The following ERC2 variants were observed in gnomAD, a reference collection of about 807,000 sequenced individuals.
The protein encoded by ERC2 is ERC protein 2.
In ERC2, 42 loss-of-function variants were observed where a neutral mutation model predicts 114.8. The observed-to-expected ratio is 0.37, with a 90% CI of 0.29 to 0.47. The LOEUF is 0.47. ERC2 is among the 20% of genes least tolerant of loss of function. The probability of loss-of-function intolerance (pLI) is 0.99; values close to 1 mark genes in which losing one functional copy is unlikely to be tolerated. For synonymous variants in ERC2, 454 were observed against 425.5 expected, an observed-to-expected ratio of 1.07 and a Z score of -0.82; for missense variants, 939 against 1,150.7, an observed-to-expected ratio of 0.82 and a Z score of 2.66.
Position 56,434,395 on chromosome 3 carries a change from A to T in ERC2, c.613T>A (p.Ser205Thr), listed in dbSNP as rs2061927695. 6.2e-7 allele frequency: 1 copy of T among 1,613,926 alleles called. No homozygotes were observed. Among genetic ancestry groups the T allele is most frequent in the Non-Finnish European group, 8.5e-7 (1 of 1,179,890 alleles). ...ACCCTCATCTGCTCCTTGAGGACAG[A>T]CATCCGCGCTGCCTCTTCTTTCCTC... ...VLRKEEAARMSVLKEQMRVSH... is the reference protein window; with the variant it reads ...VLRKEEAARMTVLKEQMRVSH... Residue 205 changes from serine to threonine, a missense_variant, in exon 2 of 18, where the codon TCT (serine) becomes ACT (threonine). Physicochemically the swap from Ser to Thr is moderately conservative, Grantham distance 58. Around this residue, in one of 5 missense-constraint regions of ERC2, gnomAD observed 281 missense variants for 307.4 expected, o/e 0.91. Coordinates refer to ENST00000288221, the MANE Select transcript of ERC2 (RefSeq NM_015576.3).
intron 2 of ERC2, 120 bp downstream of exon 2, chr3:56,434,231 G>A (rs2061919553): frequency 6.2e-6 from 5 of 803,634 alleles, no homozygotes; most frequent in Non-Finnish European, 9.8e-6. Context: ...CACATACTAA[G>A]CCATAACCTT....
rs371344367 is a variant in ERC2, at chr3:55,774,416, A to AC, written c.2565-39499dup. Among the ~76,000 whole-genome samples the AC allele has an allele frequency of 2.5e-3, 380 of 151,984 alleles. 2 individuals carry two copies. The highest frequency in any genetic ancestry group is 8.8e-3 in the African/African-American group (363 of 41,458). The stretch of plus-strand genomic sequence containing the variant: ...GGAGCAGGATACAAAGCACTCAGGG[A>AC]CCCCCCGACTTCGTGGTCTCCCATC... On this transcript the variant is annotated intron_variant, in intron 14 of 17. Transcript: ENST00000288221.
intron 16 of ERC2, among the ~76,000 whole-genome samples, chr3:55,684,239 A>G (rs528328481): frequency 5.9e-4 from 90 of 152,306 alleles, no homozygotes; most frequent in Non-Finnish European, 1.1e-3. Context: ...GCAGAGAAGT[A>G]ATTATAGTAA....
At chr3:56,422,307 C>G (rs1360956344) in intron 2 of ERC2, among the ~76,000 whole-genome samples, 1 of 152,168 alleles carries the variant, frequency 6.6e-6, no homozygotes, top group Non-Finnish European at 1.5e-5. Flanking sequence ...TTGTCAAAGT[C>G]ACAACCACCT....
At chr3:55,820,769 G>A (rs971549979) in intron 14 of ERC2, among the ~76,000 whole-genome samples, 10 of 152,166 alleles carry the variant, frequency 6.6e-5, no homozygotes, top group Non-Finnish European at 1.5e-4. Flanking sequence ...GGGAGTTGAG[G>A]CTTGCTCTGC....
intron 13 of ERC2, among the ~76,000 whole-genome samples, chr3:55,910,698 A>G (rs2064749949): frequency 6.6e-6 from 1 of 152,144 alleles, no homozygotes; most frequent in South Asian, 2.1e-4. Flanking sequence ...TTCTCACAGC[A>G]CCCTGTTGAG....
intron 2 of ERC2, among the ~76,000 whole-genome samples, chr3:56,320,941 G>A (rs1199464955): frequency 6.6e-6 from 1 of 152,118 alleles, no homozygotes; most frequent in African/African-American, 2.4e-5. Context: ...GCCCATTGTA[G>A]CCCCTCAATG....
intron 12 of ERC2, among the ~76,000 whole-genome samples, chr3:55,974,195 T>C (rs2069398363): frequency 1.3e-5 from 2 of 152,296 alleles, no homozygotes; most frequent in Admixed American, 6.5e-5. Context: ...TGCTACATCT[T>C]GATGGCATGA....
chr3:56,438,134 T>G (rs535322726), intron 1 of ERC2, among the ~76,000 whole-genome samples: 23 of 152,334 alleles, frequency 1.5e-4, no homozygotes, highest in African/African-American at 5.1e-4. Flanking sequence ...TTTTAAAACT[T>G]GAGAAAGTTG....
intron 3 of ERC2, among the ~76,000 whole-genome samples, chr3:56,249,048 C>T (rs1353807234): frequency 6.6e-6 from 1 of 152,160 alleles, no homozygotes; most frequent in Admixed American, 6.5e-5. Flanking sequence ...TTTTGAGAAA[C>T]ATGGCCAAAT....
chr3:55,650,341 T>C (rs918999077), intron 17 of ERC2, among the ~76,000 whole-genome samples: 2 of 151,962 alleles, frequency 1.3e-5, no homozygotes, highest in Non-Finnish European at 2.9e-5. Context: ...ACCACCCACC[T>C]CTCCAATTTC....
chr3:55,894,966 T>C lies in ERC2; in HGVS notation c.2404-6417A>G, dbSNP rs114180480. On this transcript the variant is annotated intron_variant, in intron 13 of 17. Coordinates refer to ENST00000288221, the MANE Select transcript of ERC2 (RefSeq NM_015576.3). ...CCATTCACCAATGCTCAACCACACA[T>C]ACACATGCACATATACCCCTGGACT... is the stretch of plus-strand genomic sequence containing the variant. Among the ~76,000 whole-genome samples, 675 of 152,280 alleles carry C rather than the reference T, an allele frequency of 4.4e-3. 6 individuals carry two copies. The highest frequency in any genetic ancestry group is 0.015 in the African/African-American group (640 of 41,562).
At chr3:55,667,013 G>A (rs1276795751) in intron 17 of ERC2, among the ~76,000 whole-genome samples, 1 of 152,150 alleles carries the variant, frequency 6.6e-6, no homozygotes, top group African/African-American at 2.4e-5. Flanking sequence ...AACACATGTT[G>A]TATATTATAT....
At chr3:55,891,725 A>G (rs773520080) in intron 13 of ERC2, among the ~76,000 whole-genome samples, 23 of 152,060 alleles carry the variant, frequency 1.5e-4, no homozygotes, top group South Asian at 1.2e-3. Context: ...GATTACAGGC[A>G]TGAGCCAACT....
At chr3:56,088,347 G>GT (rs201185426) in intron 6 of ERC2, among the ~76,000 whole-genome samples, 57 of 151,776 alleles carry the variant, frequency 3.8e-4, no homozygotes, top group African/African-American at 8.7e-4. Flanking sequence ...AACTAAAACT[G>GT]TTTTTTTTGT....
intron 3 of ERC2, among the ~76,000 whole-genome samples, chr3:56,176,913 G>A (rs998242992): frequency 1.4e-4 from 21 of 152,160 alleles, no homozygotes; most frequent in East Asian, 1.9e-4. Flanking sequence ...AATGAGCAAC[G>A]CGATCAACTT....
chr3:56,019,859 C>T lies in ERC2; in HGVS notation c.1642-828G>A, dbSNP rs146789015. Reference sequence around the variant, plus strand: ...AAGGATTTAAAAAAGCCCCACTATACAAACAATTTATTCGTATTAAGGGTT... The same window carrying T: ...AAGGATTTAAAAAAGCCCCACTATATAAACAATTTATTCGTATTAAGGGTT... On this transcript the variant is annotated intron_variant, in intron 7 of 17. Transcript: ENST00000288221. 8.2e-3 allele frequency among the ~76,000 whole-genome samples: 1,251 copies of T among 152,218 alleles called. 7 individuals are homozygous for T. Among genetic ancestry groups the T allele is most frequent in the Middle Eastern group, 0.014 (4 of 294 alleles).
chr3:56,459,227 T>A (rs1449666099), intron 1 of ERC2, among the ~76,000 whole-genome samples: 1 of 152,168 alleles, frequency 6.6e-6, no homozygotes, highest in Non-Finnish European at 1.5e-5. Flanking sequence ...GTTCAATTTC[T>A]TATAGGAAAC....
chr3:55,898,632 T>C (rs926386790), intron 13 of ERC2, among the ~76,000 whole-genome samples: 12 of 152,112 alleles, frequency 7.9e-5, no homozygotes, highest in Non-Finnish European at 1.6e-4. Context: ...CCCGAGATTG[T>C]CATCAACAGT....
Sources: allele counts gnomAD v4.1 joint callset (sites outside exome capture counted in the v4.1 genomes callset), GRCh38; gene constraint gnomAD v4.1.1; regional missense constraint gnomAD v4.1.1; transcripts MANE v1.5; gene names NCBI Gene and HGNC (gene_info 2026-07-23, HGNC 2026-07-21).